BRCA2: variants seen among roughly 807,000 people sequenced by gnomAD.
The protein encoded by BRCA2 is BRCA2 DNA repair associated.
BRCA2 carries 203 observed loss-of-function variants against 276.7 expected under a neutral mutation model. That is an observed-to-expected ratio of 0.73 (90% CI 0.65 to 0.82). BRCA2 has a LOEUF of 0.82. BRCA2 is among the 40% of genes least tolerant of loss of function. The pLI is 0.00. For synonymous variants in BRCA2, 1,289 were observed against 1,338.4 expected (o/e 0.96, Z 0.81); for missense variants, 3,920 against 3,915.0 (o/e 1.00, Z -0.03).
At chr13:32,393,803 T>C (rs951370533) in intron 24 of BRCA2, among the ~76,000 whole-genome samples, 4 of 152,180 alleles carry the variant, frequency 2.6e-5, no homozygotes, top group African/African-American at 9.7e-5. Context: ...TTGGATTTGT[T>C]TGTTGGTTGG....
At chr13:32,334,919 A>G (rs2072436452) in intron 10 of BRCA2, among the ~76,000 whole-genome samples, 1 of 152,248 alleles carries the variant, frequency 6.6e-6, no homozygotes, top group Non-Finnish European at 1.5e-5. Flanking sequence ...TCTCCCTATG[A>G]GAAGACTTTA....
intron 16 of BRCA2, among the ~76,000 whole-genome samples, chr13:32,359,672 T>A (rs1239238858): frequency 6.6e-6 from 1 of 152,248 alleles, no homozygotes; most frequent in Admixed American, 6.5e-5. Context: ...ATCTTGCGTA[T>A]CTTATATAAC....
chr13:32,360,864 G>A (rs111584645), intron 16 of BRCA2, among the ~76,000 whole-genome samples: 195 of 152,320 alleles, frequency 1.3e-3, no homozygotes, highest in African/African-American at 4.6e-3. Context: ...TCAAGGATTA[G>A]ATATAAAACG....
chr13:32,349,877 C>G (rs952938693), intron 13 of BRCA2, among the ~76,000 whole-genome samples: 10 of 151,392 alleles, frequency 6.6e-5, no homozygotes, highest in Non-Finnish European at 1.3e-4. Context: ...GTCTCCTGCC[C>G]GCTCTATGAA....
chr13:32,368,820 T>G (rs866910666), intron 18 of BRCA2, among the ~76,000 whole-genome samples: 13 of 95,754 alleles, frequency 1.4e-4, no homozygotes, highest in East Asian at 5.5e-4. Context: ...GTTTTTTTTG[T>G]TTTTTTTTTA....
intron 11 of BRCA2, among the ~76,000 whole-genome samples, chr13:32,343,294 C>G (rs1428898576): frequency 6.6e-6 from 1 of 151,966 alleles, no homozygotes; most frequent in African/African-American, 2.4e-5. Flanking sequence ...AAAGCAAATG[C>G]CAAAACTCCA....
In BRCA2 at chr13:32,336,636, T is replaced by C. The variant is rs80358499; in HGVS notation, c.2281T>C (p.Tyr761His). Reference sequence around the variant, plus strand: ...CTTTCAATCCCAGAAAAGTCTTTTATATGATCATGAAAATGCCAGCACTCT... The same window carrying C: ...CTTTCAATCCCAGAAAAGTCTTTTACATGATCATGAAAATGCCAGCACTCT... ...TDFQSQKSLL[Y>H]DHENASTLIL... The change falls in exon 11 of 27, where the codon TAT becomes CAT. Residue 761 changes from tyrosine to histidine, a missense_variant. Coordinates refer to ENST00000380152, the MANE Select transcript of BRCA2 (RefSeq NM_000059.4). The C allele has an allele frequency of 1.9e-6, 3 of 1,614,080 alleles. No homozygotes were observed. The highest frequency in any genetic ancestry group is 3.3e-4 in the Middle Eastern group (2 of 6,062).
rs2137577597 is a variant in BRCA2, at chr13:32,362,651, G to A, written c.7934G>A (p.Arg2645Lys). The A allele has an allele frequency of 6.2e-7, 1 of 1,614,186 alleles. No individual in the cohort carries two copies. The change falls in exon 17 of 27, where the codon AGA (arginine) becomes AAA (lysine). Residue 2645 changes from arginine to lysine, a missense_variant. Arg to Lys is a conservative substitution (Grantham distance 26, BLOSUM62 2). Coordinates refer to ENST00000380152, the MANE Select transcript of BRCA2 (RefSeq NM_000059.4). ...GCCTTTCCTAAGGAATTTGCTAATA[G>A]ATGCCTAAGCCCAGAAAGGGTGCTT... ...ECAFPKEFANRCLSPERVLLQ... is the reference protein window; with the variant it reads ...ECAFPKEFANKCLSPERVLLQ...
chr13:32,329,767 T>A (rs11571627), intron 8 of BRCA2, among the ~76,000 whole-genome samples: 157 of 151,958 alleles, frequency 1.0e-3, no homozygotes, highest in African/African-American at 3.6e-3. Flanking sequence ...CCTTAGATAG[T>A]ACCGAACCCT....
chr13:32,379,773 T>C lies in BRCA2; in HGVS notation c.8977T>C (p.Ser2993Pro). The change falls in exon 23 of 27, where the codon TCA becomes CCA. Residue 2993 changes from serine to proline, a missense_variant. Transcript: ENST00000380152. ...AGTTATACTGAGTATTTGGCGTCCA[T>C]CATCAGATTTATATTCTCTGTTAAC... ...DSVILSIWRP[S>P]SDLYSLLTEG... 6.2e-7 allele frequency: 1 copy of C among 1,612,540 alleles called. No individual in the cohort carries two copies. Among genetic ancestry groups the C allele is most frequent in the Non-Finnish European group, 8.5e-7 (1 of 1,178,586 alleles).
Position 32,363,397 on chromosome 13 carries a change from T to C in BRCA2, c.8195T>C (p.Leu2732Ser). The C allele has an allele frequency of 1.2e-6, 2 of 1,614,180 alleles. No individual in the cohort carries two copies. Among genetic ancestry groups the C allele is most frequent in the Non-Finnish European group, 1.7e-6 (2 of 1,180,016 alleles). Residue 2732 changes from leucine to serine, a missense_variant, in exon 18 of 27, where the codon TTA becomes TCA. Transcript: ENST00000380152. ...GGGTGGTATGCTGTTAAGGCCCAGT[T>C]AGATCCTCCCCTCTTAGCTGTCTTA... ...TDGWYAVKAQ[L>S]DPPLLAVLKN...
At chr13:32,370,272 A>G (rs923950400) in intron 18 of BRCA2, 130 bp from the exon 19 acceptor site, 8 of 843,798 alleles carry the variant, frequency 9.5e-6, no homozygotes, top group Non-Finnish European at 1.5e-5. Context: ...CTGTCTTACT[A>G]ATCTTCCTAA....
chr13:32,363,098 T>C, intron 17 of BRCA2, 81 bp from the exon 18 acceptor site: 3 of 1,182,880 alleles, frequency 2.5e-6, no homozygotes, highest in Non-Finnish European at 3.6e-6. Flanking sequence ...GTTTTTATTC[T>C]CAGTTATTCA....
At chr13:32,349,094 C>T (rs755864914) in intron 13 of BRCA2, among the ~76,000 whole-genome samples, 8 of 151,760 alleles carry the variant, frequency 5.3e-5, no homozygotes, top group Non-Finnish European at 8.8e-5. Flanking sequence ...TGGTGGCACA[C>T]GCCTGTAATC....
rs587782751 is a variant in BRCA2, at chr13:32,340,282, G to A, written c.5927G>A (p.Gly1976Glu). ...TCAGTCTCATCTGCAAATACTTGTG[G>A]GATTTTTAGCACAGCAAGTGGAAAA... is the stretch of plus-strand genomic sequence containing the variant. ...HKSVSSANTC[G>E]IFSTASGKSV... The change falls in exon 11 of 27, where the codon GGG becomes GAG. Residue 1976 changes from glycine (G) to glutamate (E), a missense_variant. Around this residue, in one of 2 missense-constraint regions of BRCA2, gnomAD observed 3,263 missense variants for 3,156.9 expected, o/e 1.03. Transcript: ENST00000380152. 2.5e-6 allele frequency: 4 copies of A among 1,613,910 alleles called. No homozygotes were observed. Among genetic ancestry groups the A allele is most frequent in the Non-Finnish European group, 3.4e-6 (4 of 1,179,882 alleles).
Position 32,337,091 on chromosome 13 carries a change from AGACTT to A in BRCA2, c.2743_2747del (p.Thr915CysfsTer19), listed in dbSNP as rs786204752. The A allele has an allele frequency of 1.2e-6, 2 of 1,612,318 alleles. No homozygotes were observed. Among genetic ancestry groups the A allele is most frequent in the Admixed American group, 3.4e-5 (2 of 59,654 alleles). ...GAAATACTAAGGAACTTCATGAAAC[AGACTT>A]GACTTGTGTAAACGAACCCATTTTC... On this transcript the variant is annotated frameshift_variant, in exon 11 of 27. Coordinates refer to ENST00000380152, the MANE Select transcript of BRCA2 (RefSeq NM_000059.4). LOFTEE classifies it high-confidence loss of function.
rs1249299085 is a variant in BRCA2 at position 32,332,543 on chromosome 13, A to G, written c.1065A>G (p.Val355=). 1 of 1,612,986 alleles carries G rather than the reference A, an allele frequency of 6.2e-7. No homozygotes were observed. The highest frequency in any genetic ancestry group is 2.2e-5 in the East Asian group (1 of 44,876). The change falls in exon 10 of 27, where the codon GTA becomes GTG. Residue 355 remains valine, a synonymous_variant. Coordinates refer to ENST00000380152, the MANE Select transcript of BRCA2 (RefSeq NM_000059.4). ...AAGTGAAAGAAAAATACTCATTTGT[A>G]TCTGAAGTGGAACCAAATGATACTG... ...KNQVKEKYSF[V]SEVEPNDTDP... is the part of the protein sequence containing the mutation.
intron 13 of BRCA2, among the ~76,000 whole-genome samples, chr13:32,349,860 G>A (rs1165646723): frequency 2.0e-5 from 3 of 151,120 alleles, no homozygotes; most frequent in Admixed American, 1.3e-4. Flanking sequence ...CATGAAGCTG[G>A]GCAACTGTCT....
Position 32,380,044 on chromosome 13 carries a change from G to A in BRCA2, c.9155G>A (p.Arg3052Gln), listed in dbSNP as rs80359171. 2.2e-5 allele frequency: 36 copies of A among 1,613,804 alleles called. No homozygotes were observed. The highest frequency in any genetic ancestry group is 2.7e-5 in the Non-Finnish European group (32 of 1,179,972). Residue 3052 changes from arginine to glutamine, a missense_variant, in exon 24 of 27, where the codon CGG becomes CAG. By Grantham distance (43) the Arg-to-Gln change is conservative (BLOSUM62 1). Around this residue, in one of 2 missense-constraint regions of BRCA2, gnomAD observed 657 missense variants for 758.2 expected, o/e 0.87. Transcript: ENST00000380152. ...ATTTTATTTCAGATTTACCAGCCAC[G>A]GGAGCCCCTTCACTTCAGCAAATTT... ...DEILFQIYQPREPLHFSKFLD... is the reference protein window; with the variant it reads ...DEILFQIYQPQEPLHFSKFLD...
Sources: allele counts gnomAD v4.1 joint callset (sites outside exome capture counted in the v4.1 genomes callset), GRCh38; gene constraint gnomAD v4.1.1; regional missense constraint gnomAD v4.1.1; transcripts MANE v1.5; gene names NCBI Gene and HGNC (gene_info 2026-07-23, HGNC 2026-07-21).